RNFT2: variants seen among roughly 807,000 people sequenced by gnomAD.
RNFT2 encodes ring finger protein, transmembrane 2, also known as E3 ubiquitin-protein ligase RNFT2.
In RNFT2, 36 loss-of-function variants were observed where a neutral mutation model predicts 53.0. The ratio of observed to expected loss-of-function variants is 0.68; its 90% CI spans 0.52 to 0.90. The LOEUF is 0.90. Ranked by LOEUF, RNFT2 falls within the 40% of genes least tolerant of loss-of-function variation. The pLI, the probability that RNFT2 is intolerant of heterozygous loss-of-function variation, is 0.00. For missense variants in RNFT2, 514 were observed against 585.6 expected (o/e 0.88, Z 1.26); for synonymous variants, 260 against 253.2 (o/e 1.03, Z -0.26).
At chr12:116,795,032 C>T (rs549874839) in intron 7 of RNFT2, among the ~76,000 whole-genome samples, 1 of 152,198 alleles carries the variant, frequency 6.6e-6, no homozygotes, top group South Asian at 2.1e-4. Context: ...CAGAAACATA[C>T]ATAGAAATAT....
intron 6 of RNFT2, among the ~76,000 whole-genome samples, chr12:116,770,033 CAAAAT>C (rs952611058): frequency 7.2e-5 from 11 of 152,150 alleles, no homozygotes; most frequent in African/African-American, 2.4e-4. Flanking sequence ...GACTCTATCT[CAAAAT>C]AAAATAAAAT....
chr12:116,849,564 C>T lies in RNFT2; in HGVS notation c.*116C>T, dbSNP rs1877805493. The T allele has an allele frequency of 2.8e-6, 4 of 1,437,656 alleles. No homozygotes were observed. The African/African-American group carries it at 5.7e-5, about 20-fold the overall frequency. The allele number at this position is 1,437,656 out of a possible 1,614,324, so 89.1% of individuals were successfully genotyped here. ...CACTTACATCCTGCCTCTTGCCCTC[C>T]ACCACCTCTGACCCCAAAGTCCCGC... On this transcript the variant is annotated 3_prime_UTR_variant, in exon 11 of 11. Transcript: ENST00000257575.
At chr12:116,752,652 C>T (rs12302528) in intron 4 of RNFT2, among the ~76,000 whole-genome samples, 11,798 of 151,968 alleles carry the variant, frequency 0.078, 597 homozygotes, top group South Asian at 0.15. Flanking sequence ...CTGAAGTGGG[C>T]GGATCACTTG....
chr12:116,841,796 TATATATATAA>T lies in RNFT2; in HGVS notation c.1200+5524_1200+5533del, dbSNP rs1565875902. ...ATATATATAAATATATATATATAAATATATATATAAATATATATATAAAAATATATATATA... is the reference window on the plus strand; with the variant it reads ...ATATATATAAATATATATATATAAATATATATATATAAAAATATATATATA... On this transcript the variant is annotated intron_variant, in intron 10 of 10. Coordinates refer to ENST00000257575, the MANE Select transcript of RNFT2 (RefSeq NM_001382266.1). Among the ~76,000 whole-genome samples the T allele has an allele frequency of 3.5e-3, 324 of 91,822 alleles. 1 individual carries two copies. Among genetic ancestry groups the T allele is most frequent in the South Asian group, 6.3e-3 (20 of 3,154 alleles). 60.2% of individuals were successfully genotyped at this position (91,822 alleles called of 152,430 possible). A position where few individuals can be genotyped will look rare whatever the true frequency, so the allele number is the denominator to read the frequency against.
chr12:116,827,451 G>A (rs1390565413), intron 7 of RNFT2, among the ~76,000 whole-genome samples: 1 of 152,164 alleles, frequency 6.6e-6, no homozygotes, highest in Admixed American at 6.5e-5. Flanking sequence ...CGAAAGACAG[G>A]GAAAGAAGCT....
rs759312702 is a variant in RNFT2 at position 116,750,015 on chromosome 12, C to A, written c.258C>A (p.Asp86Glu). ...LVLGSSAGGGDVFIQMPASRE... is the reference protein window; with the variant it reads ...LVLGSSAGGGEVFIQMPASRE... The stretch of plus-strand genomic sequence containing the variant: ...TGGGCTCCTCGGCTGGCGGCGGGGA[C>A]GTGTTCATCCAGATGCCCGCGTCCA... Residue 86 changes from aspartate to glutamate, a missense_variant, in exon 4 of 11, where the codon GAC becomes GAA. By Grantham distance (45) the Asp-to-Glu change is conservative. This residue lies in a region of RNFT2 where 237 missense variants were observed against 235.1 expected (regional missense o/e 1.01). Transcript: ENST00000257575. 2 of 1,554,238 alleles carry A rather than the reference C, an allele frequency of 1.3e-6. No individual in the cohort carries two copies. The highest frequency in any genetic ancestry group is 1.4e-5 in the African/African-American group (1 of 73,204).
At chr12:116,819,478 C>T (rs1326019387) in intron 7 of RNFT2, among the ~76,000 whole-genome samples, 2 of 152,056 alleles carry the variant, frequency 1.3e-5, no homozygotes, top group South Asian at 2.1e-4. Flanking sequence ...CGGCGCTCGC[C>T]GAGGAGTCGA....
Position 116,750,273 on chromosome 12 carries a change from C to T in RNFT2, c.516C>T (p.Ile172=). 2 of 1,605,798 alleles carry T rather than the reference C, an allele frequency of 1.2e-6. No homozygotes were observed. Among genetic ancestry groups the T allele is most frequent in the Middle Eastern group, 1.7e-4 (1 of 6,060 alleles). ...AGAAAGGACTCCCCTTCATCCTGAT[C>T]CTCCTGGCCAAACTGTGCTTTCAGC... ...WLQKGLPFIL[I]LLAKLCFQHK... is the part of the protein sequence containing the mutation. Residue 172 remains isoleucine, a synonymous_variant, in exon 4 of 11, where the codon ATC becomes ATT. Coordinates refer to ENST00000257575, the MANE Select transcript of RNFT2 (RefSeq NM_001382266.1).
intron 7 of RNFT2, among the ~76,000 whole-genome samples, chr12:116,800,117 C>T (rs1321325787): frequency 1.3e-5 from 2 of 152,208 alleles, no homozygotes; most frequent in Non-Finnish European, 2.9e-5. Flanking sequence ...CCTGAAGCTT[C>T]ACCAGAGGCC....
At chr12:116,785,855 C>CTCGAACT (rs2137125648) in intron 7 of RNFT2, among the ~76,000 whole-genome samples, 1 of 152,130 alleles carries the variant, frequency 6.6e-6, no homozygotes, top group East Asian at 1.9e-4. Flanking sequence ...TCGAGACAAG[C>CTCGAACT]CTGGGCAGCA....
chr12:116,809,858 A>G (rs141473931), intron 7 of RNFT2, among the ~76,000 whole-genome samples: 1,961 of 152,102 alleles, frequency 0.013, 33 homozygotes, highest in African/African-American at 0.044. Context: ...ATTTTTTAGT[A>G]AAGACAGGGT....
chr12:116,784,339 G>C lies in RNFT2; in HGVS notation c.882+4991G>C, dbSNP rs369498211. 3.3e-5 allele frequency among the ~76,000 whole-genome samples: 5 copies of C among 152,324 alleles called. No individual in the cohort carries two copies. The East Asian group carries it at 9.6e-4, about 29-fold the overall frequency. ...TTACAATTCCCCAGTTCAGCTCTTG[G>C]GAGAAGGTCTGATTGGCCCCGGTCA... On this transcript the variant is annotated intron_variant, in intron 7 of 10. Coordinates refer to ENST00000257575, the MANE Select transcript of RNFT2 (RefSeq NM_001382266.1).
Position 116,849,490 on chromosome 12 carries a change from C to A in RNFT2, c.*42C>A. Reference sequence around the variant, plus strand: ...CACCCAGAAGGACGCCAAGGGTCAGCATGCCCGGACCCAGCCCTGCGGGGG... The same window carrying A: ...CACCCAGAAGGACGCCAAGGGTCAGAATGCCCGGACCCAGCCCTGCGGGGG... On this transcript the variant is annotated 3_prime_UTR_variant, in exon 11 of 11. Transcript: ENST00000257575. The A allele has an allele frequency of 6.5e-7, 1 of 1,549,654 alleles. No individual in the cohort carries two copies. The highest frequency in any genetic ancestry group is 8.7e-7 in the Non-Finnish European group (1 of 1,145,354).
chr12:116,772,380 C>G (rs1470003287), intron 6 of RNFT2, among the ~76,000 whole-genome samples: 1 of 152,214 alleles, frequency 6.6e-6, no homozygotes, highest in African/African-American at 2.4e-5. Context: ...GATCTCGGCT[C>G]ACTGCAACCT....
chr12:116,827,968 C>T (rs763821246), intron 7 of RNFT2, among the ~76,000 whole-genome samples: 3 of 152,180 alleles, frequency 2.0e-5, no homozygotes, highest in Non-Finnish European at 2.9e-5. Context: ...GTTGTTGAGA[C>T]TGGCCTGCAA....
rs762013507 is a variant in RNFT2, at chr12:116,743,213, T to TAAAAAAAAAAAAAAAAAAA, written c.83+2132_83+2150dup. Among the ~76,000 whole-genome samples, 26 of 10,670 alleles carry TAAAAAAAAAAAAAAAAAAA rather than the reference T, an allele frequency of 2.4e-3. 2 individuals carry two copies. Among genetic ancestry groups the TAAAAAAAAAAAAAAAAAAA allele is most frequent in the Admixed American group, 6.0e-3 (3 of 504 alleles). The allele number at this position is 10,670 out of a possible 152,430, so 7.0% of individuals were successfully genotyped here. The stretch of plus-strand genomic sequence containing the variant: ...TGATTAATAGATACCAGGTAGAATC[T>TAAAAAAAAAAAAAAAAAAA]AAAAAAAAAAAAAAAAAAAAAAAAA... On this transcript the variant is annotated intron_variant, in intron 3 of 10. Coordinates refer to ENST00000257575, the MANE Select transcript of RNFT2 (RefSeq NM_001382266.1).
chr12:116,750,894 A>ATATATATTATATATAT (rs1872213564), intron 4 of RNFT2, among the ~76,000 whole-genome samples: 1 of 7,366 alleles, frequency 1.4e-4, no homozygotes, highest in Non-Finnish European at 2.5e-4. Context: ...TATATATAAT[A>ATATATATTATATATAT]TATATATATA....
intron 3 of RNFT2, among the ~76,000 whole-genome samples, chr12:116,741,776 G>C (rs538621505): frequency 3.3e-5 from 5 of 152,224 alleles, no homozygotes; most frequent in African/African-American, 1.2e-4. Flanking sequence ...AGCCTCCTGA[G>C]TAGCTGGGAC....
intron 7 of RNFT2, among the ~76,000 whole-genome samples, chr12:116,789,969 T>TGGATGGAC (rs1235063730): frequency 1.3e-5 from 2 of 150,514 alleles, no homozygotes; most frequent in Non-Finnish European, 3.0e-5. Flanking sequence ...GGTGGATGGA[T>TGGATGGAC]GGATGGATGG....
Sources: allele counts gnomAD v4.1 joint callset (sites outside exome capture counted in the v4.1 genomes callset), GRCh38; gene constraint gnomAD v4.1.1; regional missense constraint gnomAD v4.1.1; transcripts MANE v1.5; gene names NCBI Gene and HGNC (gene_info 2026-07-23, HGNC 2026-07-21).